The following APMAP variants were observed in gnomAD, a reference collection of about 807,000 sequenced individuals.
APMAP encodes the protein adipocyte plasma membrane associated protein, also known as adipocyte plasma membrane-associated protein.
APMAP carries 33 observed loss-of-function variants against 43.6 expected under a neutral mutation model. The ratio of observed to expected loss-of-function variants is 0.76; its 90% CI spans 0.57 to 1.01. The LOEUF (loss-of-function observed/expected upper bound fraction) is 1.01. APMAP is among the 50% of genes least tolerant of loss of function. APMAP has a pLI of 0.00. For missense variants in APMAP, 498 were observed against 540.7 expected (o/e 0.92, Z 0.78); for synonymous variants, 224 against 216.7 (o/e 1.03, Z -0.30).
chr20:24,980,428 C>T (rs1301909212), intron 2 of APMAP, among the ~76,000 whole-genome samples: 8 of 152,032 alleles, frequency 5.3e-5, no homozygotes, highest in Non-Finnish European at 1.0e-4. Flanking sequence ...CAGCTTCGCT[C>T]GGCCTCGGTC....
chr20:24,967,300 C>CA (rs2087953682), intron 8 of APMAP, among the ~76,000 whole-genome samples: 1 of 151,862 alleles, frequency 6.6e-6, no homozygotes, highest in Admixed American at 6.5e-5. Context: ...GTCTCAAAAA[C>CA]AAAAAACAAA....
At chr20:24,967,064 C>T (rs576355294) in intron 8 of APMAP, among the ~76,000 whole-genome samples, 55 of 152,260 alleles carry the variant, frequency 3.6e-4, no homozygotes, top group African/African-American at 1.3e-3. Flanking sequence ...GAGGCTGAGA[C>T]GGGTGGATTA....
chr20:24,984,795 T>C (rs888545039), intron 1 of APMAP, among the ~76,000 whole-genome samples: 3 of 152,250 alleles, frequency 2.0e-5, no homozygotes, highest in Admixed American at 6.5e-5. Flanking sequence ...ATCTCTCATC[T>C]GGCAAACAAG....
chr20:24,982,593 A>G (rs74969719), intron 2 of APMAP, among the ~76,000 whole-genome samples: 1,973 of 152,284 alleles, frequency 0.013, 46 homozygotes, highest in African/African-American at 0.045. Context: ...AAGGTCTTCA[A>G]TCACTGAGGC....
At position 24,973,626 on chromosome 20, in the gene APMAP, G is replaced by T; in HGVS notation, c.421+19C>A. The T allele has an allele frequency of 1.2e-6, 2 of 1,601,904 alleles. No homozygotes were observed. The highest frequency in any genetic ancestry group is 3.3e-5 in the Admixed American group (2 of 59,888). On this transcript the variant is annotated intron_variant, in intron 4 of 8. Transcript: ENST00000217456. Reference sequence around the variant, plus strand: ...TGAAAGACTGGAAGAGACACATCGAGGGATTATCACCAACTTACTGCAAGG... The same window carrying T: ...TGAAAGACTGGAAGAGACACATCGATGGATTATCACCAACTTACTGCAAGG...
At chr20:24,983,381 G>T (rs146070703) in intron 2 of APMAP, among the ~76,000 whole-genome samples, 1 of 152,186 alleles carries the variant, frequency 6.6e-6, no homozygotes, top group Non-Finnish European at 1.5e-5. Flanking sequence ...TCACACTGAT[G>T]AGAGCCTGGC....
chr20:24,965,746 G>A (rs1484143556), intron 8 of APMAP, among the ~76,000 whole-genome samples: 2 of 152,244 alleles, frequency 1.3e-5, no homozygotes, highest in Admixed American at 6.5e-5. Flanking sequence ...AGCCCTGGAT[G>A]GGGCCATGTG....
At position 24,983,938 on chromosome 20, in the gene APMAP, C is replaced by T. The variant is rs909115373; in HGVS notation, c.177G>A (p.Met59Ile). ...GTGGATCTATAGGAGATTCCAGCAG[C>T]ATCATGGCTCCAAGCAGGGGAACGG... ...SLTVPLLGAM[M>I]LLESPIDPQP... The change falls in exon 2 of 9, where the codon ATG becomes ATA. Residue 59 changes from methionine (M) to isoleucine (I), a missense_variant. Met to Ile is a conservative substitution (Grantham distance 10). Transcript: ENST00000217456. 3.1e-6 allele frequency: 5 copies of T among 1,613,724 alleles called. No individual in the cohort carries two copies. The highest frequency in any genetic ancestry group is 1.7e-5 in the Admixed American group (1 of 59,986).
At chr20:24,978,450 A>G (rs1284547588) in intron 3 of APMAP, among the ~76,000 whole-genome samples, 1 of 152,258 alleles carries the variant, frequency 6.6e-6, no homozygotes, top group Admixed American at 6.5e-5. Flanking sequence ...ACTTTGATAA[A>G]TGAACTAAAA....
chr20:24,986,510 T>C (rs1212766508), intron 1 of APMAP, among the ~76,000 whole-genome samples: 2 of 152,222 alleles, frequency 1.3e-5, no homozygotes, highest in African/African-American at 4.8e-5. Flanking sequence ...GTGACTGACT[T>C]ATACCAGTCA....
intron 1 of APMAP, among the ~76,000 whole-genome samples, chr20:24,986,572 C>T (rs2088149243): frequency 6.6e-6 from 1 of 152,210 alleles, no homozygotes. Flanking sequence ...AGAACTACGA[C>T]CTGACATGAC....
At chr20:24,968,739 C>G (rs1353658564) in intron 8 of APMAP, among the ~76,000 whole-genome samples, 153 bp downstream of exon 8, 1 of 152,168 alleles carries the variant, frequency 6.6e-6, no homozygotes, top group African/African-American at 2.4e-5. Context: ...ATGTTTAAAT[C>G]TGCATTTCAG....
At chr20:24,969,113 A>C in intron 7 of APMAP, 29 bp from the exon 8 acceptor site, 1 of 1,538,526 alleles carries the variant, frequency 6.5e-7, no homozygotes. Context: ...CAGAGAGTGA[A>C]CCATAGCCCC....
intron 8 of APMAP, among the ~76,000 whole-genome samples, chr20:24,965,110 G>A (rs967707410): frequency 2.6e-5 from 4 of 152,170 alleles, no homozygotes; most frequent in African/African-American, 9.7e-5. Flanking sequence ...CACTGTCTGG[G>A]ACCCATGTCT....
intron 5 of APMAP, 31 bp downstream of exon 5, chr20:24,971,429 T>C (rs767486261): frequency 1.3e-6 from 2 of 1,573,964 alleles, no homozygotes; most frequent in Non-Finnish European, 1.7e-6. Flanking sequence ...TCTAAAATCT[T>C]CATAGAAGGA....
At chr20:24,970,709 T>G (rs1485716112) in intron 5 of APMAP, among the ~76,000 whole-genome samples, 4 of 152,198 alleles carry the variant, frequency 2.6e-5, no homozygotes, top group Non-Finnish European at 5.9e-5. Flanking sequence ...CTCATCTCCT[T>G]TTAGAAAAGA....
At chr20:24,978,721 A>G in intron 3 of APMAP, 46 bp downstream of exon 3, 2 of 684,044 alleles carry the variant, frequency 2.9e-6, no homozygotes, top group South Asian at 1.4e-5. Flanking sequence ...CCCCTCAGAC[A>G]ACAGACAGCC....
rs1299122864 is a variant in APMAP, at chr20:24,973,659, C to T, written c.407G>A (p.Gly136Asp). The change falls in exon 4 of 9, where the codon GGT (glycine) becomes GAT (aspartate). Residue 136 changes from glycine to aspartate, a missense_variant. By Grantham distance (94) the Gly-to-Asp change is moderately conservative. Coordinates refer to ENST00000217456, the MANE Select transcript of APMAP (RefSeq NM_020531.3). ...NGEIETIARF[G>D]SGPCKTRDDE... ...CACCAACTTACTGCAAGGGCCCGAA[C>T]CAAACCGGGCAATGGTCTCTATTTC... is the stretch of plus-strand genomic sequence containing the variant. 8 of 1,614,034 alleles carry T rather than the reference C, an allele frequency of 5.0e-6. No homozygotes were observed. Among genetic ancestry groups the T allele is most frequent in the Non-Finnish European group, 5.9e-6 (7 of 1,179,902 alleles).
Position 24,969,662 on chromosome 20 carries a change from T to G in APMAP, c.714-2A>C. On this transcript the variant is annotated splice_acceptor_variant, in intron 6 of 8. Coordinates refer to ENST00000217456, the MANE Select transcript of APMAP (RefSeq NM_020531.3). LOFTEE classifies it high-confidence loss of function. ...GTCACAGTATCATACTCCAGCAGGC[T>G]GTGGAACACCAAAAGCAGAGGGTTA... 6.2e-7 allele frequency: 1 copy of G among 1,609,390 alleles called. No individual in the cohort carries two copies. Among genetic ancestry groups the G allele is most frequent in the Non-Finnish European group, 8.5e-7 (1 of 1,176,314 alleles).
Sources: gnomAD v4.1 joint callset for allele counts (sites outside exome capture counted in the v4.1 genomes callset) on GRCh38, gnomAD v4.1.1 for gene constraint, MANE v1.5 for transcripts, NCBI Gene and HGNC (gene_info 2026-07-23, HGNC 2026-07-21) for gene names.